The following MAPKBP1 variants were observed in gnomAD, a reference collection of about 807,000 sequenced individuals.
The protein encoded by MAPKBP1 is mitogen-activated protein kinase-binding protein 1.
MAPKBP1 carries 71 observed loss-of-function variants against 170.5 expected under a neutral mutation model. The ratio of observed to expected loss-of-function variants is 0.42; its 90% CI spans 0.34 to 0.51. The LOEUF is 0.51. Among genes scored for constraint, MAPKBP1 ranks in the 20% least tolerant of loss-of-function variants. The pLI, the probability that MAPKBP1 is intolerant of heterozygous loss-of-function variation, is 0.06. For synonymous variants in MAPKBP1, 719 were observed against 757.9 expected (o/e 0.95, Z 0.84); for missense variants, 1,598 against 1,933.0 (o/e 0.83, Z 3.25).
intron 10 of MAPKBP1, 104 bp downstream of exon 10, chr15:41,814,843 C>T: frequency 7.2e-7 from 1 of 1,391,956 alleles, no homozygotes. Context: ...ATTCCTGCTG[C>T]CTCCCTGTTT....
intron 2 of MAPKBP1, among the ~76,000 whole-genome samples, chr15:41,797,405 G>C (rs548980537): frequency 6.6e-6 from 1 of 152,148 alleles, no homozygotes; most frequent in Non-Finnish European, 1.5e-5. Flanking sequence ...GCCTGGGGCC[G>C]TTCTCTTTCC....
chr15:41,819,547 C>CGGGGGTGGGGGGGGGGG, intron 21 of MAPKBP1, 48 bp from the exon 22 acceptor site: 1 of 1,228,190 alleles, frequency 8.1e-7, no homozygotes, highest in South Asian at 1.4e-5. Context: ...GGTTGGGTGG[C>CGGGGGTGGGGGGGGGGG]GGGGGGGGGG....
intron 12 of MAPKBP1, 60 bp from the exon 13 acceptor site, chr15:41,816,499 G>A: frequency 3.5e-6 from 4 of 1,141,258 alleles, no homozygotes; most frequent in Non-Finnish European, 5.3e-6. Context: ...CAGAGGAGGG[G>A]GCGTGAGTCC....
chr15:41,805,889 C>T (rs2064681720), intron 3 of MAPKBP1, among the ~76,000 whole-genome samples: 1 of 152,096 alleles, frequency 6.6e-6, no homozygotes, highest in African/African-American at 2.4e-5. Context: ...CCTCAGTGTT[C>T]TGCTCTTTCC....
rs1351245208 is a variant in MAPKBP1, at chr15:41,822,844, T to A, written c.3315-95T>A. ...GCCCTATCTGGCTTTGTGCTTGTTC[T>A]CTCCTAGTGCCCTGGTGCTATGAGT... On this transcript the variant is annotated intron_variant, in intron 27 of 30. Coordinates refer to ENST00000457542, the MANE Select transcript of MAPKBP1 (RefSeq NM_014994.3). 5 of 1,504,640 alleles carry A rather than the reference T, an allele frequency of 3.3e-6. No homozygotes were observed. In the African/African-American group the frequency reaches 4.1e-5, roughly 12 times the overall value. 93.2% of individuals were successfully genotyped at this position (1,504,640 alleles called of 1,614,324 possible).
intron 2 of MAPKBP1, among the ~76,000 whole-genome samples, chr15:41,786,023 T>A (rs1236696303): frequency 6.6e-6 from 1 of 152,210 alleles, no homozygotes; most frequent in Non-Finnish European, 1.5e-5. Flanking sequence ...ATCAATAAGA[T>A]GAAATTCCTT....
At chr15:41,822,916 T>A in intron 27 of MAPKBP1, 23 bp from the exon 28 acceptor site, 1 of 1,583,436 alleles carries the variant, frequency 6.3e-7, no homozygotes, top group Non-Finnish European at 8.6e-7. Flanking sequence ...CTCTGGGCCT[T>A]CTCCCACATG....
intron 23 of MAPKBP1, 60 bp from the exon 24 acceptor site, chr15:41,821,524 C>G: frequency 6.4e-7 from 1 of 1,552,366 alleles, no homozygotes; most frequent in Non-Finnish European, 8.8e-7. Context: ...GCTTACCCCC[C>G]AGCTACCACT....
chr15:41,786,568 T>TC, intron 2 of MAPKBP1, among the ~76,000 whole-genome samples: 1 of 151,066 alleles, frequency 6.6e-6, no homozygotes, highest in Non-Finnish European at 1.5e-5. Context: ...ATAGAGACCA[T>TC]TGTGGCTAAC....
At chr15:41,820,462 G>T (rs1385167931) in intron 22 of MAPKBP1, among the ~76,000 whole-genome samples, 1 of 152,126 alleles carries the variant, frequency 6.6e-6, no homozygotes, top group African/African-American at 2.4e-5. Flanking sequence ...TGCTGGGGCT[G>T]TCCTCAGAGT....
chr15:41,800,333 T>A (rs2064567560), intron 3 of MAPKBP1, among the ~76,000 whole-genome samples: 1 of 152,174 alleles, frequency 6.6e-6, no homozygotes, highest in Admixed American at 6.5e-5. Context: ...ATTTAGGACA[T>A]TTTCATGACC....
Position 41,775,299 on chromosome 15 carries a change from T to G in MAPKBP1, c.24T>G (p.Ile8Met). 1 of 1,614,040 alleles carries G rather than the reference T, an allele frequency of 6.2e-7. No homozygotes were observed. The highest frequency in any genetic ancestry group is 1.1e-5 in the South Asian group (1 of 91,072). ...TAATGGCTGTGGAAGGGTCAACCAT[T>G]ACCAGCCGGATCAAGAATCTGTTGA... MAVEGST[I>M]TSRIKNLLRS... Residue 8 changes from isoleucine (I) to methionine (M), a missense_variant, in exon 2 of 31, where the codon ATT (isoleucine) becomes ATG (methionine). By Grantham distance (10) the Ile-to-Met change is conservative. Coordinates refer to ENST00000457542, the MANE Select transcript of MAPKBP1 (RefSeq NM_014994.3).
chr15:41,819,548 G>GT, intron 21 of MAPKBP1, 47 bp from the exon 22 acceptor site: 1 of 993,416 alleles, frequency 1.0e-6, no homozygotes, highest in Non-Finnish European at 1.3e-6. Context: ...GTTGGGTGGC[G>GT]GGGGGGGGGC....
Position 41,812,062 on chromosome 15 carries a change from A to T in MAPKBP1, c.433A>T (p.Ser145Cys). The change falls in exon 6 of 31, where the codon AGC becomes TGC. Residue 145 changes from serine to cysteine, a missense_variant. By Grantham distance (112) the Ser-to-Cys change is moderately radical. This residue lies in a region of MAPKBP1 where 151 missense variants were observed against 191.4 expected (regional missense o/e 0.79). Transcript: ENST00000457542. ...YGVACVAFSP[S>C]AKYIVSVGYQ... ...TGTGGCTTGTGTGGCCTTCTCTCCT[A>T]GCGCCAAGTACATTGTCTCTGTGGG... 1 of 1,613,872 alleles carries T rather than the reference A, an allele frequency of 6.2e-7. No individual in the cohort carries two copies. Among genetic ancestry groups the T allele is most frequent in the South Asian group, 1.1e-5 (1 of 91,058 alleles).
chr15:41,774,785 T>A (rs1596055358), intron 1 of MAPKBP1, 175 bp downstream of exon 1: 1 of 399,104 alleles, frequency 2.5e-6, no homozygotes, highest in African/African-American at 2.1e-5. Flanking sequence ...CCCCGCCGCG[T>A]CCCCGCCGGC....
chr15:41,817,544 C>T lies in MAPKBP1; in HGVS notation c.1783-70C>T, dbSNP rs540143817. 25 of 1,613,218 alleles carry T rather than the reference C, an allele frequency of 1.5e-5. No homozygotes were observed. Among genetic ancestry groups the T allele is most frequent in the South Asian group, 1.3e-4 (12 of 91,040 alleles). On this transcript the variant is annotated intron_variant, in intron 15 of 30. Coordinates refer to ENST00000457542, the MANE Select transcript of MAPKBP1 (RefSeq NM_014994.3). This position sits in a 1 kb window ranked among gnomAD's most constrained non-coding sequence, Gnocchi z 4.2. Reference sequence around the variant, plus strand: ...TAAGGTTACAAGAGGTGAAGGGAGGCGCAAGTAGGGCTCTTGGGGCCTGGT... The same window carrying T: ...TAAGGTTACAAGAGGTGAAGGGAGGTGCAAGTAGGGCTCTTGGGGCCTGGT...
chr15:41,799,786 C>T, intron 2 of MAPKBP1, 37 bp from the exon 3 acceptor site: 1 of 1,559,318 alleles, frequency 6.4e-7, no homozygotes, highest in Non-Finnish European at 8.8e-7. Flanking sequence ...CAAACACACT[C>T]TGTCTGTAAC....
intron 2 of MAPKBP1, among the ~76,000 whole-genome samples, chr15:41,784,523 C>T (rs1242167878): frequency 6.6e-6 from 1 of 152,008 alleles, no homozygotes; most frequent in Non-Finnish European, 1.5e-5. Flanking sequence ...GTGGCTCACA[C>T]CTGTAATCCC....
Position 41,822,059 on chromosome 15 carries a change from T to C in MAPKBP1, c.2980T>C (p.Ser994Pro). The C allele has an allele frequency of 6.2e-7, 1 of 1,609,366 alleles. No individual in the cohort carries two copies. The highest frequency in any genetic ancestry group is 8.5e-7 in the Non-Finnish European group (1 of 1,177,820). Residue 994 changes from serine to proline, a missense_variant, in exon 25 of 31, where the codon TCT (serine) becomes CCT (proline). By Grantham distance (74) the Ser-to-Pro change is moderately conservative (BLOSUM62 -1). Coordinates refer to ENST00000457542, the MANE Select transcript of MAPKBP1 (RefSeq NM_014994.3). ...AAAGCACAGCCCTGACAGTGCCTGC[T>C]CTGTGGATTACAGCAGCAGCTGCCT... ...SEKHSPDSAC[S>P]VDYSSSCLSS...
Sources: allele counts gnomAD v4.1 joint callset (sites outside exome capture counted in the v4.1 genomes callset), GRCh38; gene constraint gnomAD v4.1.1; regional missense constraint gnomAD v4.1.1; non-coding constraint Gnocchi (gnomAD v3.1); transcripts MANE v1.5; gene names NCBI Gene and HGNC (gene_info 2026-07-23, HGNC 2026-07-21).